ENAH: variants seen among roughly 807,000 people sequenced by gnomAD.
The protein encoded by ENAH is ENAH actin regulator.
Under a neutral mutation model 78.7 loss-of-function variants are expected in ENAH, and 23 were observed. The ratio of observed to expected loss-of-function variants is 0.29; its 90% CI spans 0.21 to 0.41. ENAH has a LOEUF of 0.41. ENAH is among the 10% of genes least tolerant of loss of function. The pLI, the probability that ENAH is intolerant of heterozygous loss-of-function variation, is 1.00. For synonymous variants in ENAH, 226 were observed against 241.0 expected (o/e 0.94, Z 0.58); for missense variants, 544 against 691.0 (o/e 0.79, Z 2.39).
chr1:225,549,996 C>T (rs2096633857), intron 3 of ENAH, among the ~76,000 whole-genome samples: 1 of 152,182 alleles, frequency 6.6e-6, no homozygotes, highest in African/African-American at 2.4e-5. Flanking sequence ...CCTTCAATGA[C>T]TCTTCACCAC....
intron 1 of ENAH, among the ~76,000 whole-genome samples, chr1:225,585,492 A>C (rs192482013): frequency 9.2e-5 from 14 of 152,290 alleles, no homozygotes; most frequent in Admixed American, 3.3e-4. Context: ...CCATAAAAAA[A>C]AATTGAATAA....
chr1:225,540,511 G>C (rs2096583968), intron 3 of ENAH, among the ~76,000 whole-genome samples: 1 of 151,882 alleles, frequency 6.6e-6, no homozygotes, highest in Non-Finnish European at 1.5e-5. Flanking sequence ...TTAGGGGTGG[G>C]GAAAAAATGA....
chr1:225,653,387 AC>A (rs1454491831), upstream of ENAH, among the ~76,000 whole-genome samples: 1 of 147,932 alleles, frequency 6.8e-6, no homozygotes, highest in Non-Finnish European at 1.5e-5. The surrounding 1 kb of genome is among the most constrained non-coding windows in gnomAD (Gnocchi z 4.3). Context: ...CGCCCCCTGC[AC>A]CCCTCTGGGA....
intron 1 of ENAH, among the ~76,000 whole-genome samples, chr1:225,598,802 G>C (rs1198595422): frequency 6.6e-6 from 1 of 150,928 alleles, no homozygotes; most frequent in Non-Finnish European, 1.5e-5. Flanking sequence ...CAAAAGAATA[G>C]AAATGGAAAA....
At chr1:225,642,938 T>C (rs1661343408) in intron 1 of ENAH, among the ~76,000 whole-genome samples, 1 of 152,222 alleles carries the variant, frequency 6.6e-6, no homozygotes, top group Non-Finnish European at 1.5e-5. Flanking sequence ...AGACCGATAA[T>C]GGCCTGAGCT....
intron 1 of ENAH, among the ~76,000 whole-genome samples, chr1:225,628,764 G>A (rs781648364): frequency 5.9e-5 from 9 of 151,646 alleles, no homozygotes; most frequent in Non-Finnish European, 1.0e-4. Flanking sequence ...AAAAATAGCC[G>A]GGCGTGGTGG....
At chr1:225,515,952 C>T (rs1482748872) in intron 6 of ENAH, among the ~76,000 whole-genome samples, 3 of 152,192 alleles carry the variant, frequency 2.0e-5, no homozygotes, top group Non-Finnish European at 2.9e-5. Flanking sequence ...ACCTTTTAAG[C>T]AAATTTGTAA....
chr1:225,648,305 AT>A (rs1222855902), intron 1 of ENAH, among the ~76,000 whole-genome samples: 2 of 152,156 alleles, frequency 1.3e-5, no homozygotes, highest in Non-Finnish European at 2.9e-5. Flanking sequence ...ATTTTTTCAA[AT>A]CTTTCTTACA....
chr1:225,631,099 C>T (rs1008350253), intron 1 of ENAH, among the ~76,000 whole-genome samples: 13 of 152,166 alleles, frequency 8.5e-5, no homozygotes, highest in Non-Finnish European at 1.5e-4. Context: ...CCACTTCTCT[C>T]AGATTACAAA....
At chr1:225,525,374 A>G (rs1032387535) in intron 4 of ENAH, among the ~76,000 whole-genome samples, 1 of 152,212 alleles carries the variant, frequency 6.6e-6, no homozygotes, top group Admixed American at 6.5e-5. Flanking sequence ...GGTGCTAAAA[A>G]GTAGTACTTT....
Position 225,519,702 on chromosome 1 carries a change from T to C in ENAH, c.435-137A>G, listed in dbSNP as rs940174943. On this transcript the variant is annotated intron_variant, in intron 4 of 13. Transcript: ENST00000366843. ...GCATGCAAACATCTCTCCTCCCACA[T>C]GAAGGCTACCTTGGATAGAGACTGT... is the stretch of plus-strand genomic sequence containing the variant. The C allele has an allele frequency of 5.4e-6, 7 of 1,289,078 alleles. No homozygotes were observed. In the African/African-American group the frequency reaches 8.9e-5, roughly 16 times the overall value. 79.9% of individuals were successfully genotyped at this position (1,289,078 alleles called of 1,614,324 possible). A position where few individuals can be genotyped will look rare whatever the true frequency, so the allele number is the denominator to read the frequency against.
chr1:225,515,150 T>C (rs1434147590), intron 6 of ENAH: 2 of 441,566 alleles, frequency 4.5e-6, no homozygotes, highest in Non-Finnish European at 7.9e-6. Context: ...GATCATCTAA[T>C]TAAGACTTTT....
intron 3 of ENAH, among the ~76,000 whole-genome samples, chr1:225,548,471 A>C (rs2096625862): frequency 6.6e-6 from 1 of 152,232 alleles, no homozygotes; most frequent in Non-Finnish European, 1.5e-5. Context: ...GTAAATTCAA[A>C]TTTTTGCTTT....
At position 225,511,876 on chromosome 1, in the gene ENAH, A is replaced by G. The variant is rs373161059; in HGVS notation, c.1423-17T>C. 1.1e-5 allele frequency: 17 copies of G among 1,549,600 alleles called. No homozygotes were observed. In the African/African-American group the frequency reaches 2.0e-4, roughly 19 times the overall value. On this transcript the variant is annotated splice_polypyrimidine_tract_variant and intron_variant, in intron 9 of 13. Transcript: ENST00000366843. ...TGAATCTTCCTAAATATACAGATAT[A>G]TATTAATATCACATCTACCAGTCCC...
In ENAH at chr1:225,503,674, A is replaced by AAAC. The variant is rs1553413070; in HGVS notation, c.1539-2605_1539-2604insGTT. On this transcript the variant is annotated intron_variant, in intron 11 of 13. Transcript: ENST00000366843. ...AAACCACCTCAAAAAAAAAAAAAAA[A>AAAC]AAAACACAAAACTATTTCACTACTG... Among the ~76,000 whole-genome samples, 792 of 150,110 alleles carry AAAC rather than the reference A, an allele frequency of 5.3e-3. 27 individuals carry two copies. Among genetic ancestry groups the AAAC allele is most frequent in the Admixed American group, 0.047 (703 of 14,922 alleles).
chr1:225,585,478 T>C (rs1195495050), intron 1 of ENAH, among the ~76,000 whole-genome samples: 1 of 151,438 alleles, frequency 6.6e-6, no homozygotes, highest in African/African-American at 2.4e-5. Context: ...GATGATATGC[T>C]GGGCCATAAA....
chr1:225,526,731 C>T (rs1402600879), intron 4 of ENAH, among the ~76,000 whole-genome samples: 2 of 152,072 alleles, frequency 1.3e-5, no homozygotes, highest in African/African-American at 2.4e-5. Context: ...AAAATAACTA[C>T]CCATTTTTAT....
chr1:225,607,215 C>T (rs998340648), intron 1 of ENAH, among the ~76,000 whole-genome samples: 10 of 152,056 alleles, frequency 6.6e-5, no homozygotes, highest in African/African-American at 1.9e-4. Context: ...CTAACAACAA[C>T]GACAGCTGAT....
chr1:225,545,688 G>C (rs1558789629), intron 3 of ENAH, among the ~76,000 whole-genome samples: 1 of 152,116 alleles, frequency 6.6e-6, no homozygotes, highest in African/African-American at 2.4e-5. Context: ...GTGGCATGCT[G>C]TTCTGGCTGA....
Sources: gnomAD v4.1 joint callset for allele counts (sites outside exome capture counted in the v4.1 genomes callset) on GRCh38, gnomAD v4.1.1 for gene constraint, Gnocchi (gnomAD v3.1) non-coding constraint, MANE v1.5 for transcripts, NCBI Gene and HGNC (gene_info 2026-07-23, HGNC 2026-07-21) for gene names.